AFF3: variants seen among roughly 807,000 people sequenced by gnomAD.
AFF3 encodes AF4/FMR2 family member 3.
A neutral mutation model predicts 129.7 loss-of-function variants in AFF3; 32 were observed. The ratio of observed to expected loss-of-function variants is 0.25; its 90% CI spans 0.19 to 0.33. AFF3 has a LOEUF of 0.33. AFF3 is among the 10% of genes least tolerant of loss of function. The pLI, the probability that AFF3 is intolerant of heterozygous loss-of-function variation, is 1.00. For synonymous variants in AFF3, 644 were observed against 635.4 expected (o/e 1.01, Z -0.20); for missense variants, 1,373 against 1,592.0 (o/e 0.86, Z 2.34).
intron 4 of AFF3, among the ~76,000 whole-genome samples, chr2:100,069,500 G>C (rs1388423973): frequency 6.6e-6 from 1 of 152,142 alleles, no homozygotes; most frequent in Non-Finnish European, 1.5e-5. Context: ...TACCTAGTAT[G>C]ATGCCTCTAC....
chr2:99,566,970 CTT>C (rs755875614), intron 19 of AFF3, among the ~76,000 whole-genome samples: 47 of 140,650 alleles, frequency 3.3e-4, no homozygotes, highest in Admixed American at 2.9e-4. Flanking sequence ...TTTCTTTTTT[CTT>C]TTTTTTTTTT....
intron 8 of AFF3, among the ~76,000 whole-genome samples, chr2:99,800,908 T>A (rs1576022197): frequency 6.6e-6 from 1 of 152,096 alleles, no homozygotes; most frequent in African/African-American, 2.4e-5. Context: ...AGAGCAGTGG[T>A]GGCCTGGGGA....
chr2:100,111,687 C>T lies in AFF3; in HGVS notation c.-144-6104G>A, dbSNP rs373950809. 7.2e-4 allele frequency among the ~76,000 whole-genome samples: 109 copies of T among 152,312 alleles called. 1 individual carries two copies. In the South Asian group the frequency reaches 0.021, roughly 30 times the overall value. On this transcript the variant is annotated intron_variant, in intron 2 of 24. Coordinates refer to ENST00000672756, the MANE Select transcript of AFF3 (RefSeq NM_001386135.1). ...GTTTCTACCAATAAACTAATTATCA[C>T]TGTATGAAGCTGATTTACTTCAGAA...
intron 2 of AFF3, chr2:100,106,254 G>A: frequency 8.5e-7 from 1 of 1,174,126 alleles, no homozygotes; most frequent in Non-Finnish European, 1.1e-6. Flanking sequence ...AACATAGTCT[G>A]AGAAAATGAA....
intron 13 of AFF3, among the ~76,000 whole-genome samples, chr2:99,617,309 C>T (rs550862623): frequency 1.3e-5 from 2 of 152,320 alleles, no homozygotes; most frequent in East Asian, 1.9e-4. Context: ...ACATGCTTGT[C>T]GGCAACTGTT....
chr2:99,966,446 T>C (rs1677758721), intron 7 of AFF3, among the ~76,000 whole-genome samples: 1 of 151,562 alleles, frequency 6.6e-6, no homozygotes, highest in African/African-American at 2.4e-5. Context: ...ATCCCAACAC[T>C]TTGGGAGGCC....
intron 2 of AFF3, among the ~76,000 whole-genome samples, chr2:100,114,441 G>C (rs908396485): frequency 6.6e-6 from 1 of 152,108 alleles, no homozygotes; most frequent in Non-Finnish European, 1.5e-5. Context: ...GAGTGCAGTG[G>C]TGTGATCTCA....
intron 11 of AFF3, among the ~76,000 whole-genome samples, chr2:99,677,263 CA>C (rs386390727): frequency 0.031 from 3,310 of 105,104 alleles, 42 homozygotes; most frequent in Non-Finnish European, 0.039. Context: ...GACCCTGTCT[CA>C]AAAAAAAAAA....
At chr2:99,690,536 T>C (rs1675555036) in intron 11 of AFF3, among the ~76,000 whole-genome samples, 1 of 152,116 alleles carries the variant, frequency 6.6e-6, no homozygotes, top group African/African-American at 2.4e-5. Context: ...AAAGGAATGG[T>C]TGGGCAGATT....
intron 10 of AFF3, among the ~76,000 whole-genome samples, chr2:99,732,206 T>A (rs1679888334): frequency 6.6e-6 from 1 of 151,854 alleles, no homozygotes; most frequent in African/African-American, 2.4e-5. Context: ...TACAAAAAAA[T>A]TAGCCAGGCG....
At chr2:99,947,527 G>C (rs1042897405) in intron 7 of AFF3, among the ~76,000 whole-genome samples, 12 of 134,922 alleles carry the variant, frequency 8.9e-5, no homozygotes, top group African/African-American at 3.4e-4. Flanking sequence ...GAGAGAGAAA[G>C]AAAGAAAGAA....
At chr2:99,740,383 G>A (rs1383304081) in intron 10 of AFF3, among the ~76,000 whole-genome samples, 1 of 151,344 alleles carries the variant, frequency 6.6e-6, no homozygotes, top group Non-Finnish European at 1.5e-5. Context: ...CTGAGGAATC[G>A]CCACACCGAC....
intron 4 of AFF3, among the ~76,000 whole-genome samples, chr2:100,056,220 ACT>A (rs1686774351): frequency 6.6e-6 from 1 of 151,678 alleles, no homozygotes; most frequent in Admixed American, 6.6e-5. Context: ...ATCAATATTC[ACT>A]CTCTATCCGG....
intron 2 of AFF3, among the ~76,000 whole-genome samples, chr2:100,111,542 A>G (rs768563304): frequency 8.5e-5 from 13 of 152,224 alleles, no homozygotes; most frequent in Non-Finnish European, 1.2e-4. Flanking sequence ...TTGCTGTGAC[A>G]TCCTCACAGG....
chr2:99,723,443 C>T (rs1679084218), intron 11 of AFF3, among the ~76,000 whole-genome samples: 1 of 152,188 alleles, frequency 6.6e-6, no homozygotes, highest in African/African-American at 2.4e-5. Flanking sequence ...TAGAGTTATA[C>T]AGACAGAGGG....
chr2:100,065,760 C>A (rs1318176303), intron 4 of AFF3, among the ~76,000 whole-genome samples: 1 of 152,136 alleles, frequency 6.6e-6, no homozygotes, highest in Non-Finnish European at 1.5e-5. Flanking sequence ...ATATTAGAAT[C>A]TTTTTAAAAC....
At chr2:99,563,452 A>G (rs901295101) in intron 20 of AFF3, among the ~76,000 whole-genome samples, 1 of 151,232 alleles carries the variant, frequency 6.6e-6, no homozygotes, top group Non-Finnish European at 1.5e-5. Context: ...AGCCTCCCAA[A>G]GTGCTGGGAT....
intron 8 of AFF3, among the ~76,000 whole-genome samples, chr2:99,835,262 C>G (rs1688781859): frequency 6.6e-6 from 1 of 152,162 alleles, no homozygotes; most frequent in South Asian, 2.1e-4. Flanking sequence ...TGATCCGCAT[C>G]TTATAGGATC....
chr2:99,694,348 G>A (rs562574049), intron 11 of AFF3, among the ~76,000 whole-genome samples: 1 of 152,154 alleles, frequency 6.6e-6, no homozygotes, highest in Non-Finnish European at 1.5e-5. Flanking sequence ...GACAACAGGT[G>A]TAAAGACAGG....
Sources: allele counts gnomAD v4.1 joint callset (sites outside exome capture counted in the v4.1 genomes callset), GRCh38; gene constraint gnomAD v4.1.1; transcripts MANE v1.5; gene names NCBI Gene and HGNC (gene_info 2026-07-23, HGNC 2026-07-21).